Variants in LPP observed in about 807,000 individuals in gnomAD.
The protein encoded by LPP is LIM domain containing preferred translocation partner in lipoma.
Under a neutral mutation model 60.4 loss-of-function variants are expected in LPP, and 38 were observed. That is an observed-to-expected ratio of 0.63 (90% CI 0.49 to 0.83). The LOEUF is 0.83. Ranked by LOEUF, LPP falls within the 40% of genes least tolerant of loss-of-function variation. LPP has a pLI of 0.00. For missense variants in LPP, 902 were observed against 783.6 expected (o/e 1.15, Z -1.80); for synonymous variants, 328 against 290.8 (o/e 1.13, Z -1.30).
chr3:188,836,257 T>C (rs953716207), intron 9 of LPP, among the ~76,000 whole-genome samples: 6 of 152,260 alleles, frequency 3.9e-5, no homozygotes, highest in Non-Finnish European at 7.3e-5. Flanking sequence ...TGTTGTCTTT[T>C]TAAGCATAAC....
intron 5 of LPP, among the ~76,000 whole-genome samples, chr3:188,492,525 A>G (rs550455443): frequency 6.6e-6 from 1 of 152,052 alleles, no homozygotes; most frequent in Non-Finnish European, 1.5e-5. Flanking sequence ...ATGAAACCCC[A>G]TTGTTACTAA....
At chr3:188,249,919 A>G (rs6785042) in intron 2 of LPP, among the ~76,000 whole-genome samples, 8,332 of 143,992 alleles carry the variant, frequency 0.058, 489 homozygotes, top group African/African-American at 0.15. Context: ...TTTTTCCAGA[A>G]GTATTTCAGA....
At chr3:188,504,989 T>C (rs1030447831) in intron 5 of LPP, among the ~76,000 whole-genome samples, 3 of 152,180 alleles carry the variant, frequency 2.0e-5, no homozygotes, top group Admixed American at 6.5e-5. Flanking sequence ...GTAAGCTGTA[T>C]GCAAGCTGCT....
chr3:188,753,052 A>G (rs997996599), intron 8 of LPP, among the ~76,000 whole-genome samples: 4 of 152,208 alleles, frequency 2.6e-5, no homozygotes, highest in Admixed American at 2.6e-4. Context: ...GGTCAGAGTT[A>G]TGATTGAATT....
At chr3:188,457,734 A>AT (rs1798049334) in intron 4 of LPP, among the ~76,000 whole-genome samples, 1 of 41,454 alleles carries the variant, frequency 2.4e-5, no homozygotes, top group African/African-American at 1.0e-4. Flanking sequence ...CTACTAAAAA[A>AT]AAAAAATATA....
intron 4 of LPP, among the ~76,000 whole-genome samples, chr3:188,443,174 C>G (rs952617802): frequency 6.6e-6 from 1 of 151,958 alleles, no homozygotes; most frequent in African/African-American, 2.4e-5. Context: ...ATAATACTTG[C>G]AAAAAAGAGA....
chr3:188,819,027 CGT>C (rs59994224), intron 9 of LPP, among the ~76,000 whole-genome samples: 15,930 of 142,052 alleles, frequency 0.11, 978 homozygotes, highest in Admixed American at 0.16. Context: ...TCATGGGGGT[CGT>C]GTGTGTGTGT....
intron 9 of LPP, among the ~76,000 whole-genome samples, chr3:188,838,792 T>G (rs537321333): frequency 6.6e-6 from 1 of 151,864 alleles, no homozygotes; most frequent in Admixed American, 6.6e-5. Flanking sequence ...CACTCAGAAG[T>G]GAGAGTTGAA....
intron 5 of LPP, among the ~76,000 whole-genome samples, chr3:188,506,615 T>G (rs955549512): frequency 1.3e-5 from 2 of 152,168 alleles, no homozygotes; most frequent in Admixed American, 1.3e-4. Flanking sequence ...GGAGCCTAAA[T>G]TTCTTAAGTG....
chr3:188,855,310 T>C (rs1391291434), intron 9 of LPP, among the ~76,000 whole-genome samples: 1 of 152,256 alleles, frequency 6.6e-6, no homozygotes, highest in African/African-American at 2.4e-5. Context: ...TTGCCTGTTA[T>C]GTCTTAAGCG....
chr3:188,828,677 G>A (rs1363270200), intron 9 of LPP, among the ~76,000 whole-genome samples: 1 of 147,414 alleles, frequency 6.8e-6, no homozygotes, highest in Admixed American at 7.0e-5. Flanking sequence ...GACCTGGGCA[G>A]GTTAAGAGAA....
rs1039352952 is a variant in LPP at position 188,874,366 on chromosome 3, C to A, written c.1726C>A (p.Leu576Met). 1.2e-6 allele frequency: 2 copies of A among 1,613,582 alleles called. No individual in the cohort carries two copies. Among genetic ancestry groups the A allele is most frequent in the African/African-American group, 2.7e-5 (2 of 74,918 alleles). ...CYRCEDCGGL[L>M]SEGDNQGCYP... is the part of the protein sequence containing the mutation. The stretch of plus-strand genomic sequence containing the variant: ...ACTGTTCTAGGATTGCGGTGGTCTC[C>A]TGTCTGAAGGAGATAACCAAGGCTG... The change falls in exon 12 of 12, where the codon CTG becomes ATG. Residue 576 changes from leucine (L) to methionine (M), a missense_variant. Coordinates refer to ENST00000617246, the MANE Select transcript of LPP (RefSeq NM_001375462.1).
intron 9 of LPP, among the ~76,000 whole-genome samples, chr3:188,828,386 C>A (rs1358349357): frequency 6.6e-6 from 1 of 151,108 alleles, no homozygotes; most frequent in African/African-American, 2.4e-5. Flanking sequence ...GGGCGGATCA[C>A]CTGAGGTCAG....
chr3:188,210,626 A>T (rs1734442311), intron 1 of LPP, among the ~76,000 whole-genome samples: 1 of 152,186 alleles, frequency 6.6e-6, no homozygotes, highest in African/African-American at 2.4e-5. Flanking sequence ...CTCTATGTGG[A>T]TGTGGAAACT....
intron 1 of LPP, among the ~76,000 whole-genome samples, chr3:188,205,273 T>C (rs1409796336): frequency 1.3e-5 from 2 of 148,886 alleles, no homozygotes; most frequent in Non-Finnish European, 3.0e-5. Context: ...AAATAGATTA[T>C]AATCTTTTTT....
intron 6 of LPP, among the ~76,000 whole-genome samples, chr3:188,535,576 G>A (rs1823354082): frequency 6.6e-6 from 1 of 152,052 alleles, no homozygotes; most frequent in Non-Finnish European, 1.5e-5. Context: ...TTAAAATAAA[G>A]AACATGTATT....
intron 2 of LPP, among the ~76,000 whole-genome samples, chr3:188,330,208 A>G (rs1759616662): frequency 6.6e-6 from 1 of 152,230 alleles, no homozygotes; most frequent in Non-Finnish European, 1.5e-5. Flanking sequence ...AGTCAATAGA[A>G]GTGGACTTAG....
chr3:188,748,914 A>G (rs1220837645), intron 8 of LPP, among the ~76,000 whole-genome samples: 1 of 152,154 alleles, frequency 6.6e-6, no homozygotes, highest in Non-Finnish European at 1.5e-5. Flanking sequence ...CAGGGACCAG[A>G]GCCTTGACTT....
At position 188,154,255 on chromosome 3, in the gene LPP, A is replaced by G. The variant is rs1468868328; in HGVS notation, c.-190+3A>G. On this transcript the variant is annotated splice_donor_region_variant and intron_variant, in intron 1 of 11. Coordinates refer to ENST00000617246, the MANE Select transcript of LPP (RefSeq NM_001375462.1). ...GCCCCGGCTGCCTCCTCCCTGAGGT[A>G]TTGTTGCAAATCCTTCCTTCCCCTC... Among the ~76,000 whole-genome samples, 1 of 149,900 alleles carries G rather than the reference A, an allele frequency of 6.7e-6. No individual in the cohort carries two copies. Among genetic ancestry groups the G allele is most frequent in the Non-Finnish European group, 1.5e-5 (1 of 67,196 alleles).
Sources: gnomAD v4.1 joint callset for allele counts (sites outside exome capture counted in the v4.1 genomes callset) on GRCh38, gnomAD v4.1.1 for gene constraint, MANE v1.5 for transcripts, NCBI Gene and HGNC (gene_info 2026-07-23, HGNC 2026-07-21) for gene names.